Variants in ZNF526 observed in about 807,000 individuals in gnomAD.
ZNF526 encodes zinc finger protein 526.
Under a neutral mutation model 32.4 loss-of-function variants are expected in ZNF526, and 16 were observed. The ratio of observed to expected loss-of-function variants is 0.49; its 90% confidence interval spans 0.33 to 0.75. ZNF526 has a LOEUF of 0.75. ZNF526 is among the 30% of genes least tolerant of loss of function. The pLI is 0.02. For missense variants in ZNF526, 838 were observed against 920.7 expected, an observed-to-expected ratio of 0.91 and a Z score of 1.16; for synonymous variants, 355 against 363.4, an observed-to-expected ratio of 0.98 and a Z score of 0.26.
At position 42,225,009 on chromosome 19, in the gene ZNF526, C is replaced by G; in HGVS notation, c.606C>G (p.Cys202Trp). ...TGGAGCCCTATGAGTGTCCTGAGTG[C>G]TCTACCCTCTGCGCCACCCCTGAGG... ...VKMEPYECPE[C>W]STLCATPEEF... is the part of the protein sequence containing the mutation. Residue 202 changes from cysteine to tryptophan, a missense_variant, in exon 3 of 3, where the codon TGC (cysteine) becomes TGG (tryptophan). Coordinates refer to ENST00000301215, the MANE Select transcript of ZNF526 (RefSeq NM_133444.3). The G allele has an allele frequency of 6.2e-7, 1 of 1,614,230 alleles. No homozygotes were observed. The highest frequency in any genetic ancestry group is 8.5e-7 in the Non-Finnish European group (1 of 1,180,030).
At chr19:42,222,068 C>T (rs1019096993) in intron 1 of ZNF526, among the ~76,000 whole-genome samples, 2 of 151,554 alleles carry the variant, frequency 1.3e-5, no homozygotes, top group African/African-American at 4.9e-5. Context: ...CGTCTAGGTG[C>T]TTAATATGAG....
rs538494595 is a variant in ZNF526, at chr19:42,225,974, G to A, written c.1571G>A (p.Gly524Asp). 6.2e-7 allele frequency: 1 copy of A among 1,614,046 alleles called. No individual in the cohort carries two copies. The highest frequency in any genetic ancestry group is 2.2e-5 in the East Asian group (1 of 44,888). ...AGCCGCCACCAGCTGACCCATACGGGTGCACGTCCCTACCAATGCCTGGAC... is the reference window on the plus strand; with the variant it reads ...AGCCGCCACCAGCTGACCCATACGGATGCACGTCCCTACCAATGCCTGGAC... Reference protein sequence around the residue: ...NLSRHQLTHTGARPYQCLDCG... With the variant: ...NLSRHQLTHTDARPYQCLDCG... Residue 524 changes from glycine to aspartate, a missense_variant, in exon 3 of 3, where the codon GGT becomes GAT. Gly to Asp is a moderately conservative substitution (Grantham distance 94). Coordinates refer to ENST00000301215, the MANE Select transcript of ZNF526 (RefSeq NM_133444.3).
chr19:42,220,997 G>T (rs1055521276), intron 1 of ZNF526, among the ~76,000 whole-genome samples: 1 of 152,164 alleles, frequency 6.6e-6, no homozygotes, highest in African/African-American at 2.4e-5. Context: ...GTGTGCAGGG[G>T]CCTGGCAACT....
In ZNF526 at chr19:42,225,396, A is replaced by C; in HGVS notation, c.993A>C (p.Thr331=). The change falls in exon 3 of 3, where the codon ACA becomes ACC. Residue 331 remains threonine, a synonymous_variant. Transcript: ENST00000301215. The part of the protein sequence containing the change: ...QAHGRAHVGG[T]HECTTCSKVF... ...ATGGGCGGGCCCATGTTGGTGGCAC[A>C]CATGAGTGTACAACCTGCTCCAAGG... The C allele has an allele frequency of 6.2e-7, 1 of 1,614,032 alleles. No homozygotes were observed. Among genetic ancestry groups the C allele is most frequent in the Middle Eastern group, 1.6e-4 (1 of 6,062 alleles).
Position 42,225,551 on chromosome 19 carries a change from C to G in ZNF526, c.1148C>G (p.Thr383Ser). Residue 383 changes from threonine (T) to serine (S), a missense_variant, in exon 3 of 3, where the codon ACT becomes AGT. Physicochemically the swap from Thr to Ser is moderately conservative, Grantham distance 58 (BLOSUM62 1). Coordinates refer to ENST00000301215, the MANE Select transcript of ZNF526 (RefSeq NM_133444.3). ...LTLVAHRRAH[T>S]ANPLHRCRCG... ...TTGGTGGCTCACCGGCGGGCCCACA[C>G]TGCCAACCCATTGCATCGCTGTCGT... is the stretch of plus-strand genomic sequence containing the variant. 1.2e-6 allele frequency: 2 copies of G among 1,610,516 alleles called. No homozygotes were observed. The highest frequency in any genetic ancestry group is 1.3e-5 in the African/African-American group (1 of 74,994).
intron 1 of ZNF526, among the ~76,000 whole-genome samples, chr19:42,220,888 G>A (rs2036115823): frequency 6.6e-6 from 1 of 152,150 alleles, no homozygotes; most frequent in Non-Finnish European, 1.5e-5. Context: ...TCGCCCTAGG[G>A]GAGTTCTCTG....
intron 1 of ZNF526, among the ~76,000 whole-genome samples, chr19:42,224,002 T>TAC (rs1555746281): frequency 5.5e-5 from 7 of 126,242 alleles, no homozygotes; most frequent in South Asian, 2.8e-4. Flanking sequence ...TATATATATA[T>TAC]ACAAAAATTA....
In ZNF526 at chr19:42,227,283, G is replaced by C. The variant is rs1171120749; in HGVS notation, c.*867G>C. ...GAAAAGTAGGAATCTGGCAGTGAAAGAGGAAAAGAACATTCCAGGCAGACA... is the reference window on the plus strand; with the variant it reads ...GAAAAGTAGGAATCTGGCAGTGAAACAGGAAAAGAACATTCCAGGCAGACA... On this transcript the variant is annotated 3_prime_UTR_variant, in exon 3 of 3. Coordinates refer to ENST00000301215, the MANE Select transcript of ZNF526 (RefSeq NM_133444.3). 1 of 167,290 alleles carries C rather than the reference G, an allele frequency of 6.0e-6. No homozygotes were observed. The highest frequency in any genetic ancestry group is 1.5e-5 in the Non-Finnish European group (1 of 68,288). 10.4% of individuals were successfully genotyped at this position (167,290 alleles called of 1,614,324 possible). A position where few individuals can be genotyped will look rare whatever the true frequency, so the allele number is the denominator to read the frequency against.
chr19:42,224,334 C>A, intron 2 of ZNF526, 29 bp downstream of exon 2: 1 of 1,372,148 alleles, frequency 7.3e-7, no homozygotes. Context: ...AAGAGAATTC[C>A]ACCTCCCCTT....
In ZNF526 at chr19:42,225,308, C is replaced by T. The variant is rs778880469; in HGVS notation, c.905C>T (p.Thr302Ile). Residue 302 changes from threonine to isoleucine, a missense_variant, in exon 3 of 3, where the codon ACC becomes ATC. By Grantham distance (89) the Thr-to-Ile change is moderately conservative (BLOSUM62 -1). Transcript: ENST00000301215. ...ACGGCTCACAGCCCGGCATCTGCCA[C>T]CCACCCCTTCCACTGCAGCCAGTGT... The part of the protein sequence containing the change: ...RRTAHSPASA[T>I]HPFHCSQCQR... The T allele has an allele frequency of 1.9e-6, 3 of 1,612,650 alleles. No homozygotes were observed. The highest frequency in any genetic ancestry group is 2.5e-6 in the Non-Finnish European group (3 of 1,179,078).
At chr19:42,224,090 G>T in intron 1 of ZNF526, 125 bp from the exon 2 acceptor site, 1 of 350,132 alleles carries the variant, frequency 2.9e-6, no homozygotes, top group South Asian at 2.4e-5. Context: ...ACCCAGGAGC[G>T]AGAGGTTGCA....
At position 42,226,932 on chromosome 19, in the gene ZNF526, G is replaced by C; in HGVS notation, c.*516G>C. 1 of 235,170 alleles carries C rather than the reference G, an allele frequency of 4.3e-6. No individual in the cohort carries two copies. Among genetic ancestry groups the C allele is most frequent in the Non-Finnish European group, 9.2e-6 (1 of 108,906 alleles). 14.6% of individuals were successfully genotyped at this position (235,170 alleles called of 1,614,324 possible). A position where few individuals can be genotyped will look rare whatever the true frequency, so the allele number is the denominator to read the frequency against. Reference sequence around the variant, plus strand: ...TGGAAGGAAATCTGTAGGTACCCAGGTCCTCAGCTCCAGACTGGGTGATGC... The same window carrying C: ...TGGAAGGAAATCTGTAGGTACCCAGCTCCTCAGCTCCAGACTGGGTGATGC... On this transcript the variant is annotated 3_prime_UTR_variant, in exon 3 of 3. Coordinates refer to ENST00000301215, the MANE Select transcript of ZNF526 (RefSeq NM_133444.3).
chr19:42,222,543 A>C (rs2036134275), intron 1 of ZNF526, among the ~76,000 whole-genome samples: 1 of 152,204 alleles, frequency 6.6e-6, no homozygotes, highest in Non-Finnish European at 1.5e-5. Flanking sequence ...GTGTACTCTG[A>C]GTCCCTGCTG....
Position 42,226,418 on chromosome 19 carries a change from G to T in ZNF526, c.*2G>T. On this transcript the variant is annotated 3_prime_UTR_variant, in exon 3 of 3. Transcript: ENST00000301215. Reference sequence around the variant, plus strand: ...CAGTTGGACACGGCCTTCGTGTGACGCAGCTGAAAAGCAACAACAAAAGGG... The same window carrying T: ...CAGTTGGACACGGCCTTCGTGTGACTCAGCTGAAAAGCAACAACAAAAGGG... The T allele has an allele frequency of 6.2e-7, 1 of 1,614,176 alleles. No homozygotes were observed. The highest frequency in any genetic ancestry group is 8.5e-7 in the Non-Finnish European group (1 of 1,180,038).
Position 42,225,525 on chromosome 19 carries a change from G to T in ZNF526, c.1122G>T (p.Thr374=). The change falls in exon 3 of 3, where the codon ACG becomes ACT. Residue 374 remains threonine (T), a synonymous_variant. Coordinates refer to ENST00000301215, the MANE Select transcript of ZNF526 (RefSeq NM_133444.3). ...GCCGCGGCTTTGGCACAGAACTCAC[G>T]TTGGTGGCTCACCGGCGGGCCCACA... The part of the protein sequence containing the change: ...DCGRGFGTEL[T]LVAHRRAHTA... The T allele has an allele frequency of 6.2e-7, 1 of 1,612,556 alleles. No individual in the cohort carries two copies. The highest frequency in any genetic ancestry group is 8.5e-7 in the Non-Finnish European group (1 of 1,178,652).
At position 42,226,201 on chromosome 19, in the gene ZNF526, A is replaced by G. The variant is rs1196863021; in HGVS notation, c.1798A>G (p.Thr600Ala). The change falls in exon 3 of 3, where the codon ACT (threonine) becomes GCT (alanine). Residue 600 changes from threonine to alanine, a missense_variant. By Grantham distance (58) the Thr-to-Ala change is moderately conservative (BLOSUM62 0). Transcript: ENST00000301215. Reference protein sequence around the residue: ...LHQRVHARARTLTLQPPRSPS... With the variant: ...LHQRVHARARALTLQPPRSPS... ...TCAGCGGGTCCATGCCCGAGCTCGG[A>G]CTTTGACGCTACAGCCTCCCAGATC... 3 of 1,610,538 alleles carry G rather than the reference A, an allele frequency of 1.9e-6. No homozygotes were observed. Among genetic ancestry groups the G allele is most frequent in the African/African-American group, 1.3e-5 (1 of 75,040 alleles).
rs1305301041 is a variant in ZNF526, at chr19:42,224,683, G to T, written c.280G>T (p.Val94Phe). ...GGAGGAGGCACTGACCACACAGAAT[G>T]TTGGCCTGGAGCCGGAGCTGGTGCC... ...SEEEALTTQN[V>F]GLEPELVPGA... Residue 94 changes from valine (V) to phenylalanine (F), a missense_variant, in exon 3 of 3, where the codon GTT becomes TTT. Transcript: ENST00000301215. The T allele has an allele frequency of 1.9e-6, 3 of 1,614,086 alleles. No individual in the cohort carries two copies. The highest frequency in any genetic ancestry group is 2.7e-5 in the African/African-American group (2 of 74,934).
Position 42,224,971 on chromosome 19 carries a change from T to C in ZNF526, c.568T>C (p.Ser190Pro), listed in dbSNP as rs763215023. 22 of 1,614,106 alleles carry C rather than the reference T, an allele frequency of 1.4e-5. No individual in the cohort carries two copies. The Middle Eastern group carries it at 1.2e-3, about 85-fold the overall frequency. ...PTPLPPPSPPSEVKMEPYECP... is the reference protein window; with the variant it reads ...PTPLPPPSPPPEVKMEPYECP... ...ACCACTGCCTCCACCTTCTCCCCCATCCGAAGTCAAGATGGAGCCCTATGA... is the reference window on the plus strand; with the variant it reads ...ACCACTGCCTCCACCTTCTCCCCCACCCGAAGTCAAGATGGAGCCCTATGA... Residue 190 changes from serine (S) to proline (P), a missense_variant, in exon 3 of 3, where the codon TCC becomes CCC. By Grantham distance (74) the Ser-to-Pro change is moderately conservative (BLOSUM62 -1). Transcript: ENST00000301215.
intron 1 of ZNF526, among the ~76,000 whole-genome samples, chr19:42,221,081 C>T (rs530684854): frequency 1.3e-5 from 2 of 152,274 alleles, no homozygotes; most frequent in East Asian, 3.9e-4. Context: ...ATAATTTACT[C>T]AAGGAGTATG....
Sources: gnomAD v4.1 joint callset for allele counts (sites outside exome capture counted in the v4.1 genomes callset) on GRCh38, gnomAD v4.1.1 for gene constraint, MANE v1.5 for transcripts, NCBI Gene and HGNC (gene_info 2026-07-23, HGNC 2026-07-21) for gene names.